The following LCLAT1 variants were observed in gnomAD, a reference collection of about 807,000 sequenced individuals.
The protein encoded by LCLAT1 is 1-AGP acyltransferase 8.
In LCLAT1, 11 loss-of-function variants were observed where a neutral mutation model predicts 30.7. The ratio of observed to expected loss-of-function variants is 0.36; its 90% CI spans 0.23 to 0.59. The LOEUF (loss-of-function observed/expected upper bound fraction) is 0.59. LCLAT1 is among the 20% of genes least tolerant of loss of function. The probability of loss-of-function intolerance (pLI) is 0.77; values close to 1 mark genes in which losing one functional copy is unlikely to be tolerated. For missense variants in LCLAT1, 402 were observed against 458.6 expected (o/e 0.88, Z 1.13); for synonymous variants, 155 against 151.3 (o/e 1.02, Z -0.18).
chr2:30,472,692 A>AT (rs575559402), intron 1 of LCLAT1, among the ~76,000 whole-genome samples: 4 of 152,092 alleles, frequency 2.6e-5, no homozygotes, highest in Non-Finnish European at 4.4e-5. Context: ...TCTTAAAAAC[A>AT]TTTTTTTGCA....
At chr2:30,459,416 A>G in intron 1 of LCLAT1, 2 of 574,804 alleles carry the variant, frequency 3.5e-6, no homozygotes, top group Non-Finnish European at 6.2e-6. Flanking sequence ...TGCCCTGTGC[A>G]TTAATCCATT....
chr2:30,580,626 A>C (rs1666173964), intron 5 of LCLAT1, among the ~76,000 whole-genome samples: 1 of 152,252 alleles, frequency 6.6e-6, no homozygotes, highest in African/African-American at 2.4e-5. Flanking sequence ...AGAGTTTAGC[A>C]TTTTTAAATG....
chr2:30,608,751 G>T (rs1262774736), intron 5 of LCLAT1, among the ~76,000 whole-genome samples: 6 of 152,206 alleles, frequency 3.9e-5, no homozygotes, highest in African/African-American at 1.4e-4. Flanking sequence ...TATGCTCTAT[G>T]ATGTTCCCAT....
chr2:30,568,039 A>G (rs773605092), intron 4 of LCLAT1, 21 bp from the exon 5 acceptor site: 1 of 1,223,908 alleles, frequency 8.2e-7, no homozygotes, highest in Non-Finnish European at 1.2e-6. Flanking sequence ...ATGATTTATA[A>G]TGGTCCATTG....
intron 5 of LCLAT1, among the ~76,000 whole-genome samples, chr2:30,633,922 CG>C (rs985170966): frequency 3.2e-4 from 48 of 152,258 alleles, no homozygotes; most frequent in Non-Finnish European, 6.9e-4. Flanking sequence ...TTGTTTTAAA[CG>C]TACAGATGTG....
At chr2:30,498,961 T>C (rs1684239139) in intron 1 of LCLAT1, among the ~76,000 whole-genome samples, 1 of 152,184 alleles carries the variant, frequency 6.6e-6, no homozygotes, top group Non-Finnish European at 1.5e-5. Context: ...TTATATAAGG[T>C]GTAAATCAAC....
chr2:30,476,454 C>T (rs764093509), intron 1 of LCLAT1: 1 of 456,682 alleles, frequency 2.2e-6, no homozygotes, highest in South Asian at 1.5e-5. Context: ...CTCAGATCCG[C>T]CACTGCATTC....
chr2:30,455,186 TGTTAC>T lies in LCLAT1; in HGVS notation c.-5+7807_-5+7811del, dbSNP rs534750859. On this transcript the variant is annotated intron_variant, in intron 1 of 5. Transcript: ENST00000379509. ...CTTTAACTGTAAAAAAATTTAGGAG[TGTTAC>T]GTTCTCATTTTGAATGAGGAACTCT... Among the ~76,000 whole-genome samples, 25 of 152,214 alleles carry T rather than the reference TGTTAC, an allele frequency of 1.6e-4. 1 individual carries two copies. In the South Asian group the frequency reaches 5.2e-3, roughly 32 times the overall value.
At chr2:30,453,708 A>G (rs866299271) in intron 1 of LCLAT1, among the ~76,000 whole-genome samples, 8 of 152,288 alleles carry the variant, frequency 5.3e-5, no homozygotes, top group Non-Finnish European at 7.4e-5. Flanking sequence ...GGTCATTGAG[A>G]TTTCATCATC....
chr2:30,458,824 C>CTA (rs1460153022), intron 1 of LCLAT1, among the ~76,000 whole-genome samples: 1 of 152,164 alleles, frequency 6.6e-6, no homozygotes, highest in Non-Finnish European at 1.5e-5. Context: ...TTCCCAGCTA[C>CTA]TATGCCATTA....
At chr2:30,461,712 G>A (rs1251356416) in intron 1 of LCLAT1, among the ~76,000 whole-genome samples, 1 of 151,034 alleles carries the variant, frequency 6.6e-6, no homozygotes, top group African/African-American at 2.4e-5. Context: ...CTTCCTTGCT[G>A]TAGACATTAT....
intron 1 of LCLAT1, among the ~76,000 whole-genome samples, chr2:30,516,321 C>G (rs545879267): frequency 1.1e-4 from 16 of 152,136 alleles, no homozygotes; most frequent in African/African-American, 3.1e-4. Context: ...AGCTTTCACT[C>G]GCCGTCCACC....
chr2:30,498,656 C>G (rs995032083), intron 1 of LCLAT1, among the ~76,000 whole-genome samples: 2 of 152,172 alleles, frequency 1.3e-5, no homozygotes, highest in Non-Finnish European at 2.9e-5. Context: ...TTTATCCTCT[C>G]TCATGGGCAT....
chr2:30,546,449 A>G (rs751815262), intron 3 of LCLAT1, among the ~76,000 whole-genome samples: 28 of 152,316 alleles, frequency 1.8e-4, no homozygotes, highest in Admixed American at 3.9e-4. Context: ...TTAGTACACT[A>G]TAGGAACATG....
intron 5 of LCLAT1, among the ~76,000 whole-genome samples, chr2:30,636,614 G>C (rs911626674): frequency 1.1e-4 from 17 of 152,080 alleles, no homozygotes. Flanking sequence ...TTTCTCAGTG[G>C]TGCCATCAAA....
intron 1 of LCLAT1, chr2:30,476,614 G>A (rs754038561): frequency 2.3e-5 from 10 of 434,164 alleles, no homozygotes; most frequent in South Asian, 8.2e-5. Context: ...AGCTCAGAAC[G>A]CTCGCCGATT....
At chr2:30,478,070 T>TA (rs79364091) in intron 1 of LCLAT1, among the ~76,000 whole-genome samples, 17,829 of 114,854 alleles carry the variant, frequency 0.16, 1,334 homozygotes, top group East Asian at 0.25. Context: ...AGTGAGGGAT[T>TA]AAAAAAAAAA....
intron 1 of LCLAT1, among the ~76,000 whole-genome samples, chr2:30,453,578 A>G (rs1681672940): frequency 1.3e-5 from 2 of 152,214 alleles, no homozygotes; most frequent in South Asian, 4.1e-4. Flanking sequence ...AAACTCGATC[A>G]TTTTTGGATG....
chr2:30,482,354 T>C (rs1683361178), intron 1 of LCLAT1, among the ~76,000 whole-genome samples: 1 of 152,194 alleles, frequency 6.6e-6, no homozygotes, highest in Admixed American at 6.5e-5. Flanking sequence ...ATGTGTATAA[T>C]AAATCTAATA....
Sources: allele counts gnomAD v4.1 joint callset (sites outside exome capture counted in the v4.1 genomes callset), GRCh38; gene constraint gnomAD v4.1.1; transcripts MANE v1.5; gene names NCBI Gene and HGNC (gene_info 2026-07-23, HGNC 2026-07-21).